Variants in COL4A5 observed in about 807,000 individuals in gnomAD.
COL4A5 encodes collagen alpha-5(IV) chain.
Under a neutral mutation model 130.2 loss-of-function variants are expected in COL4A5, and 26 were observed. The observed-to-expected ratio is 0.20, with a 90% CI of 0.15 to 0.28. COL4A5 has a LOEUF of 0.28. COL4A5 is among the 10% of genes least tolerant of loss of function. The probability of loss-of-function intolerance (pLI) is 1.00; values close to 1 mark genes in which losing one functional copy is unlikely to be tolerated. For missense variants in COL4A5, 1,131 were observed against 1,344.3 expected (o/e 0.84, Z 2.48); for synonymous variants, 496 against 439.6 (o/e 1.13, Z -1.60).
intron 49 of COL4A5, chrX:108,689,893 C>T: frequency 4.0e-6 from 3 of 754,450 alleles, no homozygotes; most frequent in Non-Finnish European, 3.1e-6. Context: ...GGATCACTCT[C>T]TCTTCGAAAA....
chrX:108,452,293 G>T (rs1350841075), intron 1 of COL4A5, among the ~76,000 whole-genome samples: 1 of 111,769 alleles, frequency 8.9e-6, no homozygotes, highest in Non-Finnish European at 1.9e-5. Flanking sequence ...GCTTAGGATT[G>T]ACTTGGCGAT....
intron 37 of COL4A5, among the ~76,000 whole-genome samples, chrX:108,656,289 C>T (rs1052042044): frequency 1.8e-5 from 2 of 111,216 alleles, no homozygotes; most frequent in African/African-American, 6.5e-5. Context: ...TTTTTTCAGT[C>T]ATCATTATGT....
intron 3 of COL4A5, 90 bp from the exon 4 acceptor site, chrX:108,563,792 A>G (rs917524046): frequency 4.1e-6 from 3 of 727,414 alleles, no homozygotes; most frequent in Non-Finnish European, 6.4e-6. Context: ...AGATGTTTAC[A>G]GTAGTTTAAA....
At chrX:108,631,128 G>C (rs1355606656) in intron 36 of COL4A5, among the ~76,000 whole-genome samples, 1 of 111,694 alleles carries the variant, frequency 9.0e-6, no homozygotes, top group East Asian at 2.8e-4. Flanking sequence ...GGATTATCTT[G>C]ACAATGTGGG....
intron 1 of COL4A5, among the ~76,000 whole-genome samples, chrX:108,443,607 G>T (rs777220173): frequency 2.3e-4 from 26 of 111,483 alleles, no homozygotes; most frequent in Non-Finnish European, 4.5e-4. Context: ...ATCTATATAT[G>T]TATCTGTCCC....
intron 19 of COL4A5, among the ~76,000 whole-genome samples, chrX:108,590,353 A>G (rs2066411684): frequency 9.0e-6 from 1 of 111,491 alleles, no homozygotes; most frequent in African/African-American, 3.2e-5. Context: ...CAGTAGAATA[A>G]CCCCAACAAT....
chrX:108,562,241 A>G (rs1322751084), intron 3 of COL4A5, among the ~76,000 whole-genome samples: 1 of 111,774 alleles, frequency 8.9e-6, no homozygotes, highest in Non-Finnish European at 1.9e-5. Context: ...ATGAGGTGGC[A>G]ACTCCAATGG....
At chrX:108,565,325 AT>A (rs1282528815) in intron 4 of COL4A5, among the ~76,000 whole-genome samples, 7 of 111,851 alleles carry the variant, frequency 6.3e-5, no homozygotes, top group African/African-American at 2.3e-4. Context: ...ATATAGTATA[AT>A]GAACCCCCAT....
intron 1 of COL4A5, among the ~76,000 whole-genome samples, chrX:108,509,535 C>T (rs1006327989): frequency 9.0e-6 from 1 of 111,697 alleles, no homozygotes; most frequent in Non-Finnish European, 1.9e-5. Context: ...ACAAAACATG[C>T]GGCCAACACA....
intron 49 of COL4A5, chrX:108,689,463 AT>A: frequency 1.3e-6 from 1 of 752,391 alleles, no homozygotes; most frequent in South Asian, 6.8e-5. Flanking sequence ...ACTTTTCAGA[AT>A]CCATGTATTT....
intron 50 of COL4A5, chrX:108,694,041 GT>G (rs1569509103): frequency 9.7e-5 from 9 of 92,676 alleles, no homozygotes; most frequent in East Asian, 4.6e-4. Flanking sequence ...GGGAATTTGG[GT>G]GTATGTGTGT....
chrX:108,502,917 A>C (rs964510440), intron 1 of COL4A5, among the ~76,000 whole-genome samples: 3 of 111,588 alleles, frequency 2.7e-5, no homozygotes, highest in Non-Finnish European at 5.6e-5. Context: ...CATTTAGAAA[A>C]CTTTGATATG....
chrX:108,676,593 TA>T (rs1264636593), intron 43 of COL4A5, among the ~76,000 whole-genome samples: 1 of 112,590 alleles, frequency 8.9e-6, no homozygotes, highest in Non-Finnish European at 1.9e-5. Context: ...GAAAAATATT[TA>T]AAATGTAAAG....
At chrX:108,679,639 C>T (rs1349938955) in intron 44 of COL4A5, among the ~76,000 whole-genome samples, 1 of 110,723 alleles carries the variant, frequency 9.0e-6, no homozygotes, top group Non-Finnish European at 1.9e-5. Flanking sequence ...TTCATTCTTA[C>T]TAACATAAGC....
chrX:108,665,602 T>G lies in COL4A5; in HGVS notation c.3454+15T>G, dbSNP rs759824837. 1 of 1,132,556 alleles carries G rather than the reference T, an allele frequency of 8.8e-7. No homozygotes were observed. Among genetic ancestry groups the G allele is most frequent in the Non-Finnish European group, 1.2e-6 (1 of 825,609 alleles). 93.3% of individuals were successfully genotyped at this position (1,132,556 alleles called of 1,213,427 possible). ...TGGTCCTGTAGGTAAGCATGAAAAA[T>G]AACAGTTTGCTGTTTTATAAAACTA... On this transcript the variant is annotated intron_variant, in intron 38 of 52. Coordinates refer to ENST00000328300, the MANE Select transcript of COL4A5 (RefSeq NM_033380.3).
chrX:108,479,656 A>G (rs2064869308), intron 1 of COL4A5, among the ~76,000 whole-genome samples: 1 of 111,793 alleles, frequency 8.9e-6, no homozygotes, highest in Non-Finnish European at 1.9e-5. Flanking sequence ...CATTTGACCC[A>G]CTTCCTCACG....
chrX:108,461,708 C>T (rs1482334217), intron 1 of COL4A5, among the ~76,000 whole-genome samples: 2 of 111,101 alleles, frequency 1.8e-5, no homozygotes, highest in African/African-American at 6.5e-5. Context: ...GTTCTCCTGC[C>T]TCAGCCTCCC....
intron 37 of COL4A5, among the ~76,000 whole-genome samples, chrX:108,665,271 G>T (rs2068053400): frequency 8.9e-6 from 1 of 111,907 alleles, no homozygotes; most frequent in South Asian, 3.7e-4. Flanking sequence ...AATCCTACCA[G>T]TATAATATGG....
intron 16 of COL4A5, among the ~76,000 whole-genome samples, chrX:108,581,529 C>A (rs1397608133): frequency 9.0e-6 from 1 of 111,369 alleles, no homozygotes; most frequent in African/African-American, 3.3e-5. Context: ...CCCTCATGCT[C>A]TTTTTTAGTT....
Sources: gnomAD v4.1 joint callset for allele counts (sites outside exome capture counted in the v4.1 genomes callset) on GRCh38, gnomAD v4.1.1 for gene constraint, MANE v1.5 for transcripts, NCBI Gene and HGNC (gene_info 2026-07-23, HGNC 2026-07-21) for gene names.